UTRN: variants seen among roughly 807,000 people sequenced by gnomAD.
The protein encoded by UTRN is utrophin.
In UTRN, 283 loss-of-function variants were observed where a neutral mutation model predicts 463.9. The observed-to-expected ratio is 0.61, with a 90% CI of 0.55 to 0.67. The LOEUF (loss-of-function observed/expected upper bound fraction) is 0.67. Among genes scored for constraint, UTRN ranks in the 30% least tolerant of loss-of-function variants. The pLI is 0.00. For synonymous variants in UTRN, 1,442 were observed against 1,431.5 expected (o/e 1.01, Z -0.17); for missense variants, 3,922 against 4,084.3 (o/e 0.96, Z 1.08).
rs1782514364 is a variant in UTRN at position 144,852,045 on chromosome 6, C to G, written c.*1048C>G. ...TTATTGTTGTTTTGTATTTTCAAGT[C>G]CTTAATAGTTCTTGAAACTCCTAGT... On this transcript the variant is annotated 3_prime_UTR_variant, in exon 75 of 75. Transcript: ENST00000367545. 6 of 152,062 alleles carry G rather than the reference C, an allele frequency of 3.9e-5. No individual in the cohort carries two copies. The highest frequency in any genetic ancestry group is 3.9e-4 in the Admixed American group (6 of 15,244). 9.4% of individuals were successfully genotyped at this position (152,062 alleles called of 1,614,324 possible).
At chr6:144,831,432 T>A (rs534027890) in intron 69 of UTRN, among the ~76,000 whole-genome samples, 1 of 152,146 alleles carries the variant, frequency 6.6e-6, no homozygotes, top group Non-Finnish European at 1.5e-5. Context: ...AAATGAGGAA[T>A]GCAGGTGACC....
chr6:144,565,974 G>C (rs1181405217), intron 50 of UTRN, among the ~76,000 whole-genome samples: 1 of 150,408 alleles, frequency 6.6e-6, no homozygotes, highest in Non-Finnish European at 1.5e-5. Flanking sequence ...CTATGAGAAT[G>C]ACCCACTAGA....
At chr6:144,426,910 C>T (rs1231955218) in intron 7 of UTRN, among the ~76,000 whole-genome samples, 1 of 152,100 alleles carries the variant, frequency 6.6e-6, no homozygotes, top group Non-Finnish European at 1.5e-5. Context: ...CCAAGAATAG[C>T]CAGTAGACTT....
chr6:144,495,779 G>A lies in UTRN; in HGVS notation c.4593+2323G>A, dbSNP rs577135138. On this transcript the variant is annotated intron_variant, in intron 33 of 74. Transcript: ENST00000367545. ...CAAATTTCAATGGATAGCAGTAGCC[G>A]GTGTTGGCTTTTTTCTAGTCGCAAC... Among the ~76,000 whole-genome samples, 721 of 152,318 alleles carry A rather than the reference G, an allele frequency of 4.7e-3. 6 individuals are homozygous for A. The highest frequency in any genetic ancestry group is 0.01 in the Middle Eastern group (3 of 294).
intron 51 of UTRN, among the ~76,000 whole-genome samples, chr6:144,589,086 A>G (rs1192558092): frequency 6.6e-6 from 1 of 152,244 alleles, no homozygotes; most frequent in Non-Finnish European, 1.5e-5. Context: ...CTTAATAAAT[A>G]ATAGGCTTAT....
intron 51 of UTRN, among the ~76,000 whole-genome samples, chr6:144,581,493 A>G (rs933224071): frequency 6.6e-6 from 1 of 152,034 alleles, no homozygotes; most frequent in South Asian, 2.1e-4. Context: ...TTTATCTCCT[A>G]TGTTTGCTTT....
At chr6:144,502,437 G>T (rs1794288445) in intron 34 of UTRN, among the ~76,000 whole-genome samples, 1 of 151,730 alleles carries the variant, frequency 6.6e-6, no homozygotes, top group Admixed American at 6.6e-5. Flanking sequence ...AGGACCCAGT[G>T]TGTGATGTTA....
intron 54 of UTRN, among the ~76,000 whole-genome samples, chr6:144,744,676 A>G (rs1047672433): frequency 6.6e-6 from 1 of 151,526 alleles, no homozygotes; most frequent in Non-Finnish European, 1.5e-5. Context: ...AAAGTGACAT[A>G]GGAAAAAAAA....
chr6:144,782,006 A>G lies in UTRN; in HGVS notation c.8717A>G (p.Asp2906Gly), dbSNP rs375184031. The G allele has an allele frequency of 4.3e-6, 7 of 1,613,950 alleles. No individual in the cohort carries two copies. The highest frequency in any genetic ancestry group is 1.1e-5 in the South Asian group (1 of 91,080). The change falls in exon 61 of 75, where the codon GAT (aspartate) becomes GGT (glycine). Residue 2906 changes from aspartate (D) to glycine (G), a missense_variant. Coordinates refer to ENST00000367545, the MANE Select transcript of UTRN (RefSeq NM_007124.3). ...NQNDQLLSVPDVINCLTTTYD... is the reference protein window; with the variant it reads ...NQNDQLLSVPGVINCLTTTYD... ...AATGACCAGCTCCTCAGTGTTCCAG[A>G]TGTCATCAACTGTCTGACAACAACT...
intron 2 of UTRN, among the ~76,000 whole-genome samples, chr6:144,349,202 G>T (rs1273814248): frequency 6.6e-6 from 1 of 152,140 alleles, no homozygotes; most frequent in African/African-American, 2.4e-5. Flanking sequence ...TAGAGACGGG[G>T]TTTCCCCGTG....
At chr6:144,548,490 T>C (rs1030979046) in intron 46 of UTRN, 150 bp from the exon 47 acceptor site, 2 of 684,712 alleles carry the variant, frequency 2.9e-6, no homozygotes, top group Admixed American at 5.9e-5. Context: ...GGTAATACCA[T>C]AGCCATTTCA....
Position 144,462,783 on chromosome 6 carries a change from G to C in UTRN, c.2983G>C (p.Gly995Arg), listed in dbSNP as rs765399808. ...TAAGCAAGAATTTGATGATGTGCAA[G>C]GAAAGTGGAACAAGCTAAAGGTCTT... ...LYKQEFDDVQ[G>R]KWNKLKVLVS... The change falls in exon 23 of 75, where the codon GGA becomes CGA. Residue 995 changes from glycine (G) to arginine (R), a missense_variant. Gly to Arg is a moderately radical substitution (Grantham distance 125). This residue lies in a region of UTRN where 2,349 missense variants were observed against 2,303.8 expected (regional missense o/e 1.02). Coordinates refer to ENST00000367545, the MANE Select transcript of UTRN (RefSeq NM_007124.3). 5.0e-6 allele frequency: 8 copies of C among 1,611,746 alleles called. No homozygotes were observed. The highest frequency in any genetic ancestry group is 1.6e-4 in the Middle Eastern group (1 of 6,074).
intron 65 of UTRN, among the ~76,000 whole-genome samples, chr6:144,809,681 A>G (rs1778443017): frequency 6.6e-6 from 1 of 152,128 alleles, no homozygotes. Flanking sequence ...AGAAGGTTCT[A>G]GAAATGAGAT....
At chr6:144,446,414 A>C (rs1787698906) in intron 14 of UTRN, among the ~76,000 whole-genome samples, 1 of 152,238 alleles carries the variant, frequency 6.6e-6, no homozygotes, top group African/African-American at 2.4e-5. Context: ...TTTAATTCAT[A>C]AATAAAATTG....
chr6:144,834,568 A>G (rs189687075), intron 69 of UTRN, among the ~76,000 whole-genome samples: 4 of 152,314 alleles, frequency 2.6e-5, no homozygotes, highest in Admixed American at 1.3e-4. Flanking sequence ...CAGTAACACC[A>G]AGATGAATTT....
At chr6:144,439,077 A>C (rs138329800) in intron 12 of UTRN, among the ~76,000 whole-genome samples, 182 bp downstream of exon 12, 101 of 152,310 alleles carry the variant, frequency 6.6e-4, no homozygotes, top group African/African-American at 2.4e-3. Context: ...CAGGGATAAA[A>C]GGGCACGGTA....
chr6:144,462,966 T>C lies in UTRN; in HGVS notation c.3066+100T>C, dbSNP rs1417107993. ...TATTATTTAAATATTTTACATTCTT[T>C]CTAGATCCCCATTTATTATGTATTT... On this transcript the variant is annotated intron_variant, in intron 23 of 74. Transcript: ENST00000367545. The C allele has an allele frequency of 7.1e-6, 7 of 991,852 alleles. 1 individual carries two copies. The African/African-American group carries it at 1.2e-4, about 17-fold the overall frequency. 61.4% of individuals were successfully genotyped at this position (991,852 alleles called of 1,614,324 possible).
At chr6:144,377,003 C>G (rs1185090468) in intron 2 of UTRN, among the ~76,000 whole-genome samples, 1 of 152,024 alleles carries the variant, frequency 6.6e-6, no homozygotes, top group Non-Finnish European at 1.5e-5. Flanking sequence ...AAATCTGTGA[C>G]TATTATATAT....
At chr6:144,416,351 A>G (rs1784364172) in intron 3 of UTRN, among the ~76,000 whole-genome samples, 1 of 152,150 alleles carries the variant, frequency 6.6e-6, no homozygotes, top group South Asian at 2.1e-4. Flanking sequence ...CTGAATTCCC[A>G]TATGGCCACC....
Sources: gnomAD v4.1 joint callset for allele counts (sites outside exome capture counted in the v4.1 genomes callset) on GRCh38, gnomAD v4.1.1 for gene constraint, gnomAD v4.1.1 regional missense constraint, MANE v1.5 for transcripts, NCBI Gene and HGNC (gene_info 2026-07-23, HGNC 2026-07-21) for gene names.